RFX3: variants seen among roughly 807,000 people sequenced by gnomAD.
The protein encoded by RFX3 is transcription factor RFX3.
RFX3 carries 14 observed loss-of-function variants against 98.6 expected under a neutral mutation model. That is an observed-to-expected ratio of 0.14 (90% confidence interval 0.09 to 0.22). The LOEUF (loss-of-function observed/expected upper bound fraction) is 0.22, where lower values mean the gene tolerates loss of function less well. Ranked by LOEUF, RFX3 falls within the 10% of genes least tolerant of loss-of-function variation. The pLI is 1.00. For missense variants in RFX3, 639 were observed against 926.9 expected, an observed-to-expected ratio of 0.69 and a Z score of 4.03; for synonymous variants, 383 against 328.4, an observed-to-expected ratio of 1.17 and a Z score of -1.80.
chr9:3,487,733 C>T (rs1850393585), intron 1 of RFX3, among the ~76,000 whole-genome samples: 1 of 152,084 alleles, frequency 6.6e-6, no homozygotes, highest in African/African-American at 2.4e-5. Context: ...CAAAAATGGA[C>T]CTGCTCTGCT....
rs142248762 is a variant in RFX3 at position 3,316,022 on chromosome 9, T to C, written c.474+14237A>G. Among the ~76,000 whole-genome samples the C allele has an allele frequency of 6.1e-3, 934 of 152,294 alleles. 3 individuals carry two copies. The highest frequency in any genetic ancestry group is 9.9e-3 in the Non-Finnish European group (675 of 68,028). ...AAGAGGGAATCCTCCCTAATTCATTTTATGAGGCCAACATCATCCTGATAC... is the reference window on the plus strand; with the variant it reads ...AAGAGGGAATCCTCCCTAATTCATTCTATGAGGCCAACATCATCCTGATAC... On this transcript the variant is annotated intron_variant, in intron 4 of 16. Coordinates refer to ENST00000617270, the MANE Select transcript of RFX3 (RefSeq NM_001282116.2).
intron 2 of RFX3, among the ~76,000 whole-genome samples, chr9:3,356,633 C>T (rs1490149089): frequency 6.6e-6 from 1 of 151,820 alleles, no homozygotes; most frequent in Non-Finnish European, 1.5e-5. Flanking sequence ...TTTTATGAGG[C>T]TAGCCTAAAA....
intron 1 of RFX3, among the ~76,000 whole-genome samples, chr9:3,443,117 C>T (rs764910148): frequency 1.3e-5 from 2 of 152,202 alleles, no homozygotes; most frequent in Non-Finnish European, 2.9e-5. Context: ...AGATACTCAA[C>T]ATCATTAATC....
At chr9:3,503,088 G>C (rs1395675943) in intron 1 of RFX3, among the ~76,000 whole-genome samples, 1 of 152,058 alleles carries the variant, frequency 6.6e-6, no homozygotes, top group Non-Finnish European at 1.5e-5. Context: ...CAAACAAGTG[G>C]AGATACTAAA....
intron 1 of RFX3, among the ~76,000 whole-genome samples, chr9:3,484,400 A>G (rs1354044933): frequency 6.6e-6 from 1 of 152,226 alleles, no homozygotes; most frequent in African/African-American, 2.4e-5. Flanking sequence ...TAAAGGAGTC[A>G]GTAGACTTAC....
chr9:3,392,566 A>G (rs568658328), intron 2 of RFX3, among the ~76,000 whole-genome samples: 14 of 152,208 alleles, frequency 9.2e-5, no homozygotes, highest in Admixed American at 9.2e-4. Context: ...TCATAAATGA[A>G]AAAACTGAAT....
chr9:3,387,077 C>T (rs1404491025), intron 2 of RFX3, among the ~76,000 whole-genome samples: 1 of 152,168 alleles, frequency 6.6e-6, no homozygotes, highest in African/African-American at 2.4e-5. Context: ...GAGATACCCT[C>T]TTCCAGTTTG....
intron 1 of RFX3, chr9:3,421,018 CCA>C: frequency 5.6e-6 from 2 of 358,046 alleles, no homozygotes; most frequent in Non-Finnish European, 3.5e-6. Flanking sequence ...CTACTATGTG[CCA>C]AAAAAAAAAA....
intron 1 of RFX3, among the ~76,000 whole-genome samples, chr9:3,473,688 G>C (rs1004538301): frequency 2.6e-5 from 4 of 152,114 alleles, no homozygotes; most frequent in Non-Finnish European, 2.9e-5. Context: ...CAACTGCTGA[G>C]CTGTATATTC....
intron 6 of RFX3, among the ~76,000 whole-genome samples, chr9:3,290,087 T>G (rs1827141708): frequency 6.6e-6 from 1 of 152,060 alleles, no homozygotes; most frequent in African/African-American, 2.4e-5. Flanking sequence ...TTTTTTACAT[T>G]AGAATTCTGT....
chr9:3,465,213 T>G (rs1018565581), intron 1 of RFX3, among the ~76,000 whole-genome samples: 1 of 152,162 alleles, frequency 6.6e-6, no homozygotes, highest in African/African-American at 2.4e-5. Context: ...TCTTAGTATC[T>G]CACTTCTAAC....
At chr9:3,303,848 T>A (rs1828963767) in intron 4 of RFX3, among the ~76,000 whole-genome samples, 1 of 152,000 alleles carries the variant, frequency 6.6e-6, no homozygotes, top group Non-Finnish European at 1.5e-5. Context: ...ACACTGACAT[T>A]CTAGAATGCC....
intron 1 of RFX3, among the ~76,000 whole-genome samples, chr9:3,522,789 C>T (rs192519091): frequency 5.9e-5 from 9 of 152,216 alleles, no homozygotes; most frequent in Admixed American, 1.3e-4. Flanking sequence ...ATTTAAACGA[C>T]GCATAAAATC....
intron 1 of RFX3, among the ~76,000 whole-genome samples, chr9:3,475,849 G>A (rs1849198798): frequency 6.6e-6 from 1 of 152,088 alleles, no homozygotes; most frequent in Admixed American, 6.5e-5. Context: ...AACTCCCCTG[G>A]GGAAAGGGAG....
intron 1 of RFX3, among the ~76,000 whole-genome samples, chr9:3,444,574 T>C (rs1253906730): frequency 6.6e-6 from 1 of 152,210 alleles, no homozygotes; most frequent in Non-Finnish European, 1.5e-5. Flanking sequence ...ATGCAGTTTA[T>C]TGTATGCCAA....
intron 4 of RFX3, among the ~76,000 whole-genome samples, chr9:3,306,130 T>C (rs1238719113): frequency 6.6e-6 from 1 of 152,098 alleles, no homozygotes; most frequent in Non-Finnish European, 1.5e-5. Context: ...TTAACACCGA[T>C]GGAAAATTTG....
intron 1 of RFX3, among the ~76,000 whole-genome samples, chr9:3,400,606 T>C (rs1286805526): frequency 6.6e-6 from 1 of 152,244 alleles, no homozygotes; most frequent in African/African-American, 2.4e-5. Context: ...ACAATTTCAT[T>C]TTCCTCTGAT....
At chr9:3,505,732 TAA>T in intron 1 of RFX3, among the ~76,000 whole-genome samples, 1 of 151,512 alleles carries the variant, frequency 6.6e-6, no homozygotes, top group South Asian at 2.1e-4. Flanking sequence ...TCATCCTATT[TAA>T]AATTACAACC....
chr9:3,326,674 G>C (rs1364081013), intron 4 of RFX3, among the ~76,000 whole-genome samples: 2 of 152,102 alleles, frequency 1.3e-5, no homozygotes, highest in Admixed American at 1.3e-4. Context: ...CTCGTTCTTT[G>C]TTACGGGTGC....
Sources: allele counts gnomAD v4.1 joint callset (sites outside exome capture counted in the v4.1 genomes callset), GRCh38; gene constraint gnomAD v4.1.1; transcripts MANE v1.5; gene names NCBI Gene and HGNC (gene_info 2026-07-23, HGNC 2026-07-21).